GRB10: variants seen among roughly 807,000 people sequenced by gnomAD.
GRB10 encodes growth factor receptor-bound protein 10.
In GRB10, 20 loss-of-function variants were observed where a neutral mutation model predicts 80.9. That is an observed-to-expected ratio of 0.25 (90% CI 0.17 to 0.36). The LOEUF (loss-of-function observed/expected upper bound fraction) is 0.36. Among genes scored for constraint, GRB10 ranks in the 10% least tolerant of loss-of-function variants. GRB10 has a pLI of 1.00. For missense variants in GRB10, 548 were observed against 747.7 expected (o/e 0.73, Z 3.12); for synonymous variants, 291 against 291.5 (o/e 1.00, Z 0.02).
chr7:50,752,501 C>T (rs1022165861), intron 3 of GRB10, among the ~76,000 whole-genome samples: 2 of 152,182 alleles, frequency 1.3e-5, no homozygotes, highest in African/African-American at 4.8e-5. Context: ...TCAAACTGTC[C>T]TATAAATGGG....
At chr7:50,733,745 C>T (rs1051804863) in intron 3 of GRB10, among the ~76,000 whole-genome samples, 3 of 152,218 alleles carry the variant, frequency 2.0e-5, no homozygotes, top group Admixed American at 6.5e-5. Flanking sequence ...TGGTGTTACA[C>T]GTCAACAGTC....
At chr7:50,721,849 G>C (rs2067801645) in intron 4 of GRB10, among the ~76,000 whole-genome samples, 2 of 152,206 alleles carry the variant, frequency 1.3e-5, no homozygotes, top group Admixed American at 1.3e-4. Context: ...GCAAGAGAAG[G>C]CTCCATGGGG....
At chr7:50,785,644 C>T (rs532585573), upstream of GRB10, among the ~76,000 whole-genome samples, 13 of 152,366 alleles carry the variant, frequency 8.5e-5, no homozygotes, top group South Asian at 6.2e-4. Context: ...CTGCCCACCG[C>T]GGGCACCCCG....
intron 4 of GRB10, among the ~76,000 whole-genome samples, chr7:50,710,552 T>C (rs1364542972): frequency 6.6e-6 from 1 of 152,132 alleles, no homozygotes; most frequent in Non-Finnish European, 1.5e-5. Flanking sequence ...GGCAGTTTTC[T>C]TATCTAAAAC....
chr7:50,694,310 C>T (rs954393258), intron 5 of GRB10, among the ~76,000 whole-genome samples: 1 of 152,078 alleles, frequency 6.6e-6, no homozygotes, highest in South Asian at 2.1e-4. Flanking sequence ...GGTGTCAGAG[C>T]GAGACTCTGT....
rs558910635 is a variant in GRB10, at chr7:50,590,585, A to C, written c.*2367T>G. The C allele has an allele frequency of 6.5e-6, 1 of 152,680 alleles. No individual in the cohort carries two copies. Among genetic ancestry groups the C allele is most frequent in the Admixed American group, 6.5e-5 (1 of 15,286 alleles). 9.5% of individuals were successfully genotyped at this position (152,680 alleles called of 1,614,324 possible). On this transcript the variant is annotated 3_prime_UTR_variant, in exon 19 of 19. Transcript: ENST00000401949. Reference sequence around the variant, plus strand: ...AAAAGAAAATCACAGGCAGAGATACAAAGTCAACAGGCTCCAAAACAACCC... The same window carrying C: ...AAAAGAAAATCACAGGCAGAGATACCAAGTCAACAGGCTCCAAAACAACCC...
At chr7:50,729,346 A>G (rs894304988) in intron 4 of GRB10, 3 of 152,264 alleles carry the variant, frequency 2.0e-5, no homozygotes, top group African/African-American at 7.2e-5. Context: ...TCAGTTCAAC[A>G]TTGTGTACGG....
intron 5 of GRB10, among the ~76,000 whole-genome samples, chr7:50,684,146 G>A (rs2061840323): frequency 6.6e-6 from 1 of 151,854 alleles, no homozygotes; most frequent in African/African-American, 2.4e-5. Context: ...ACACACAGCT[G>A]GGCCAACAGC....
At chr7:50,605,083 G>T (rs983548151) in intron 15 of GRB10, 6 of 595,802 alleles carry the variant, frequency 1.0e-5, no homozygotes, top group Non-Finnish European at 1.8e-5. Flanking sequence ...AAGCCCAGGG[G>T]ACAGGGGACA....
rs570667509 is a variant in GRB10, at chr7:50,752,934, C to T, written c.-47+2953G>A. Among the ~76,000 whole-genome samples, 22 of 152,336 alleles carry T rather than the reference C, an allele frequency of 1.4e-4. 1 individual carries two copies. In the South Asian group the frequency reaches 4.3e-3, roughly 30 times the overall value. Reference sequence around the variant, plus strand: ...AGGCCTGAGGGAAACGCTCAGAGGTCTCTTTGGGCCCAAGAGCTAACGAAT... The same window carrying T: ...AGGCCTGAGGGAAACGCTCAGAGGTTTCTTTGGGCCCAAGAGCTAACGAAT... On this transcript the variant is annotated intron_variant, in intron 3 of 18. Transcript: ENST00000401949.
intron 18 of GRB10, among the ~76,000 whole-genome samples, chr7:50,593,501 C>G (rs763948630): frequency 1.3e-4 from 20 of 152,130 alleles, no homozygotes; most frequent in Non-Finnish European, 2.5e-4. Context: ...TATACGACCT[C>G]AGCCAACTCC....
At position 50,614,445 on chromosome 7, in the gene GRB10, C is replaced by G. The variant is rs529873849; in HGVS notation, c.1095+325G>C. 2.2e-4 allele frequency among the ~76,000 whole-genome samples: 33 copies of G among 152,266 alleles called. 1 individual carries two copies. The South Asian group carries it at 6.8e-3, about 32-fold the overall frequency. ...CAGGTGACAGGCTGGGGGTCCCCTC[C>G]CTTGCCCCACCTCCCCTTCCAGCTA... On this transcript the variant is annotated intron_variant, in intron 12 of 18. Coordinates refer to ENST00000401949, the MANE Select transcript of GRB10 (RefSeq NM_001350814.2).
At chr7:50,676,541 G>A (rs533303589) in intron 5 of GRB10, among the ~76,000 whole-genome samples, 328 of 152,274 alleles carry the variant, frequency 2.2e-3, no homozygotes, top group African/African-American at 7.6e-3. Context: ...GGTCACATAA[G>A]CGGTATTGAA....
intron 2 of GRB10, chr7:50,761,701 G>A (rs1200845603): frequency 2.0e-5 from 3 of 152,206 alleles, no homozygotes; most frequent in East Asian, 1.9e-4. Flanking sequence ...GTCTGATATG[G>A]TTTGGTTCTG....
intron 5 of GRB10, among the ~76,000 whole-genome samples, chr7:50,684,347 GT>G (rs2061879962): frequency 7.7e-6 from 1 of 129,460 alleles, no homozygotes; most frequent in African/African-American, 2.9e-5. Flanking sequence ...TTTTTTAATT[GT>G]GGTTTAGGGA....
intron 17 of GRB10, among the ~76,000 whole-genome samples, chr7:50,602,606 G>C (rs1178276940): frequency 6.6e-6 from 1 of 152,198 alleles, no homozygotes; most frequent in Non-Finnish European, 1.5e-5. Context: ...AGAGTGATGA[G>C]AAAGACTATT....
In GRB10 at chr7:50,614,806, C is replaced by T; in HGVS notation, c.1059G>A (p.Gln353=). 1.2e-6 allele frequency: 2 copies of T among 1,614,044 alleles called. No homozygotes were observed. Among genetic ancestry groups the T allele is most frequent in the Non-Finnish European group, 1.7e-6 (2 of 1,179,954 alleles). ...GCCCGTGGTCTGTAGGGGCGTTGTA[C>T]TGCTTCCTGCCAGCGATCAGGGAGA... is the stretch of plus-strand genomic sequence containing the variant. ...NIFSLIAGRK[Q]YNAPTDHGLC... is the part of the protein sequence containing the mutation. The change falls in exon 12 of 19, where the codon CAG becomes CAA. Residue 353 remains glutamine (Q), a synonymous_variant. Coordinates refer to ENST00000401949, the MANE Select transcript of GRB10 (RefSeq NM_001350814.2).
chr7:50,671,293 A>G (rs909481502), intron 6 of GRB10, among the ~76,000 whole-genome samples: 1 of 152,200 alleles, frequency 6.6e-6, no homozygotes, highest in Admixed American at 6.5e-5. Flanking sequence ...CTGTGTCCTC[A>G]AGTAATTTTT....
At chr7:50,751,152 T>G (rs2074043766) in intron 3 of GRB10, among the ~76,000 whole-genome samples, 1 of 152,028 alleles carries the variant, frequency 6.6e-6, no homozygotes. Context: ...CCTACCCCTC[T>G]GTATCAGGCC....
Sources: allele counts gnomAD v4.1 joint callset (sites outside exome capture counted in the v4.1 genomes callset), GRCh38; gene constraint gnomAD v4.1.1; transcripts MANE v1.5; gene names NCBI Gene and HGNC (gene_info 2026-07-23, HGNC 2026-07-21).